Variants in ADAM28 observed in about 807,000 individuals in gnomAD.
ADAM28 encodes ADAM metallopeptidase domain 28.
A neutral mutation model predicts 101.2 loss-of-function variants in ADAM28; 105 were observed. The observed-to-expected ratio is 1.04, with a 90% confidence interval of 0.89 to 1.22. ADAM28 has a LOEUF of 1.22. Among genes scored for constraint, ADAM28 ranks in the 50% most tolerant of loss-of-function variants. The pLI is 0.00. For synonymous variants in ADAM28, 322 were observed against 310.6 expected (o/e 1.04, Z -0.39); for missense variants, 1,028 against 945.4 (o/e 1.09, Z -1.15).
chr8:24,343,186 G>A lies in ADAM28; in HGVS notation c.1911+5G>A, dbSNP rs369299475. 1.2e-6 allele frequency: 2 copies of A among 1,613,310 alleles called. No individual in the cohort carries two copies. The highest frequency in any genetic ancestry group is 1.3e-5 in the African/African-American group (1 of 74,902). On this transcript the variant is annotated splice_donor_5th_base_variant and intron_variant, in intron 17 of 22. Transcript: ENST00000265769. ...TCTAAGTGCAAAGGACATGCTGTAA[G>A]TTCTGAAAATATGTTTCCCTAAGCT...
At chr8:24,345,880 T>A (rs952834448) in intron 18 of ADAM28, among the ~76,000 whole-genome samples, 1 of 152,108 alleles carries the variant, frequency 6.6e-6, no homozygotes, top group Non-Finnish European at 1.5e-5. Context: ...TCAAAATACA[T>A]ACAGTGGAAG....
chr8:24,308,466 A>G (rs796500040), intron 2 of ADAM28, among the ~76,000 whole-genome samples: 8 of 152,346 alleles, frequency 5.3e-5, no homozygotes, highest in African/African-American at 1.9e-4. Flanking sequence ...AACTAAATCT[A>G]CTAAAAAGCC....
chr8:24,320,571 C>G (rs942718102), intron 7 of ADAM28, among the ~76,000 whole-genome samples: 1 of 151,990 alleles, frequency 6.6e-6, no homozygotes, highest in African/African-American at 2.4e-5. Context: ...GAGTACCCAA[C>G]TTAGTTTCCA....
Position 24,310,194 on chromosome 8 carries a change from T to C in ADAM28, c.259T>C (p.Tyr87His). The C allele has an allele frequency of 6.2e-7, 1 of 1,613,524 alleles. No homozygotes were observed. Among genetic ancestry groups the C allele is most frequent in the Non-Finnish European group, 8.5e-7 (1 of 1,179,642 alleles). ...CCTTGCACCAGGCTACACGGAAACATATTATAATTCCACTGGAAAGGAGAT... is the reference window on the plus strand; with the variant it reads ...CCTTGCACCAGGCTACACGGAAACACATTATAATTCCACTGGAAAGGAGAT... The part of the protein sequence containing the change: ...NLLAPGYTET[Y>H]YNSTGKEITT... The change falls in exon 4 of 23, where the codon TAT becomes CAT. Residue 87 changes from tyrosine to histidine, a missense_variant. By Grantham distance (83) the Tyr-to-His change is moderately conservative. Transcript: ENST00000265769.
At chr8:24,297,413 T>C (rs1372277086) in intron 1 of ADAM28, among the ~76,000 whole-genome samples, 2 of 152,200 alleles carry the variant, frequency 1.3e-5, no homozygotes, top group Non-Finnish European at 2.9e-5. Flanking sequence ...TCTTACCATT[T>C]CTGAATGGTG....
intron 16 of ADAM28, among the ~76,000 whole-genome samples, chr8:24,342,462 T>C (rs1324632071): frequency 6.6e-6 from 1 of 152,188 alleles, no homozygotes; most frequent in Non-Finnish European, 1.5e-5. Context: ...CCCCTGGAGC[T>C]GAAAATAAAA....
intron 18 of ADAM28, among the ~76,000 whole-genome samples, chr8:24,344,886 T>C (rs781201492): frequency 4.6e-5 from 7 of 152,108 alleles, no homozygotes; most frequent in African/African-American, 7.2e-5. Flanking sequence ...CTTATGAGAA[T>C]GTATTTCTGT....
chr8:24,346,416 A>G (rs1815405382), intron 18 of ADAM28, among the ~76,000 whole-genome samples: 1 of 152,124 alleles, frequency 6.6e-6, no homozygotes, highest in African/African-American at 2.4e-5. Flanking sequence ...ATATTTTACT[A>G]TATCATAAAT....
intron 2 of ADAM28, 98 bp downstream of exon 2, chr8:24,300,175 C>T: frequency 9.9e-7 from 1 of 1,009,614 alleles, no homozygotes; most frequent in Non-Finnish European, 1.4e-6. Context: ...GGGATTTATA[C>T]ATGTATGTTT....
chr8:24,299,297 G>T (rs6986356), intron 1 of ADAM28, among the ~76,000 whole-genome samples: 10,121 of 152,196 alleles, frequency 0.066, 547 homozygotes, highest in African/African-American at 0.15. Flanking sequence ...CAATATGACT[G>T]CAGGCTCAAA....
chr8:24,324,082 G>A (rs931323622), intron 9 of ADAM28, 79 bp downstream of exon 9: 5 of 1,376,456 alleles, frequency 3.6e-6, no homozygotes, highest in Admixed American at 1.9e-5. Context: ...AGTGAGGGGT[G>A]CACATAGAGG....
In ADAM28 at chr8:24,324,099, C is replaced by T. The variant is rs1030869631; in HGVS notation, c.890+96C>T. On this transcript the variant is annotated intron_variant, in intron 9 of 22. Coordinates refer to ENST00000265769, the MANE Select transcript of ADAM28 (RefSeq NM_014265.6). The stretch of plus-strand genomic sequence containing the variant: ...TGAGGGGTGCACATAGAGGGGTAGA[C>T]ATTTATAGAGCACTTACTTGGATTA... 2.7e-6 allele frequency: 3 copies of T among 1,128,980 alleles called. No homozygotes were observed. In the African/African-American group the frequency reaches 4.6e-5, roughly 17 times the overall value. The allele number at this position is 1,128,980 out of a possible 1,614,324, so 69.9% of individuals were successfully genotyped here. A position where few individuals can be genotyped will look rare whatever the true frequency, so the allele number is the denominator to read the frequency against.
At chr8:24,306,353 TAA>T (rs1491304681) in intron 2 of ADAM28, among the ~76,000 whole-genome samples, 1,681 of 130,580 alleles carry the variant, frequency 0.013, 106 homozygotes, top group African/African-American at 0.044. Context: ...CAAATACAAA[TAA>T]ATAAATAAAT....
Position 24,313,625 on chromosome 8 carries a change from C to T in ADAM28, c.576+45C>T, listed in dbSNP as rs756715634. On this transcript the variant is annotated intron_variant, in intron 6 of 22. Coordinates refer to ENST00000265769, the MANE Select transcript of ADAM28 (RefSeq NM_014265.6). ...TTTGAAATGCTCTCATGTATTCTGCCCTGGTTTCCAGAATTAGCAGTGCAA... is the reference window on the plus strand; with the variant it reads ...TTTGAAATGCTCTCATGTATTCTGCTCTGGTTTCCAGAATTAGCAGTGCAA... 3.2e-5 allele frequency: 50 copies of T among 1,573,840 alleles called. No homozygotes were observed. In the Admixed American group the frequency reaches 8.9e-4, roughly 28 times the overall value.
chr8:24,348,306 A>G (rs1585738850), intron 18 of ADAM28, among the ~76,000 whole-genome samples: 1 of 152,154 alleles, frequency 6.6e-6, no homozygotes, highest in African/African-American at 2.4e-5. Context: ...GTTGACATAT[A>G]CCCAGCAACT....
At chr8:24,324,289 A>C (rs1485654273) in intron 9 of ADAM28, among the ~76,000 whole-genome samples, 1 of 152,020 alleles carries the variant, frequency 6.6e-6, no homozygotes, top group East Asian at 1.9e-4. Context: ...GTTTAAAAAA[A>C]CAACTGATTG....
intron 16 of ADAM28, among the ~76,000 whole-genome samples, chr8:24,342,587 G>A (rs1220244802): frequency 1.3e-5 from 2 of 152,118 alleles, no homozygotes; most frequent in Non-Finnish European, 2.9e-5. Flanking sequence ...TGAAACATAT[G>A]CTAGCATCAA....
intron 18 of ADAM28, among the ~76,000 whole-genome samples, chr8:24,345,680 T>C (rs546242029): frequency 6.6e-6 from 1 of 152,210 alleles, no homozygotes; most frequent in Admixed American, 6.6e-5. Flanking sequence ...CTATGTGTTA[T>C]TTTATACCTA....
At chr8:24,304,872 G>C (rs548149836) in intron 2 of ADAM28, among the ~76,000 whole-genome samples, 1 of 149,188 alleles carries the variant, frequency 6.7e-6, no homozygotes, top group East Asian at 2.0e-4. Flanking sequence ...CTGAGATCAC[G>C]TCATTTGCAC....
Sources: gnomAD v4.1 joint callset for allele counts (sites outside exome capture counted in the v4.1 genomes callset) on GRCh38, gnomAD v4.1.1 for gene constraint, MANE v1.5 for transcripts, NCBI Gene and HGNC (gene_info 2026-07-23, HGNC 2026-07-21) for gene names.